RTL4: variants seen among roughly 807,000 people sequenced by gnomAD.
The protein encoded by RTL4 is retrotransposon Gag like 4.
In RTL4, 4 loss-of-function variants were observed where a neutral mutation model predicts 5.3. The ratio of observed to expected loss-of-function variants is 0.75; its 90% confidence interval spans 0.37 to 1.72. The LOEUF (loss-of-function observed/expected upper bound fraction) is 1.72. RTL4 is among the 40% of genes most tolerant of loss of function. The probability of loss-of-function intolerance (pLI) is 0.04; values close to 1 mark genes in which losing one functional copy is unlikely to be tolerated. For missense variants in RTL4, 260 were observed against 227.1 expected, an observed-to-expected ratio of 1.14 and a Z score of -0.93; for synonymous variants, 98 against 87.3, an observed-to-expected ratio of 1.12 and a Z score of -0.68.
chrX:112,309,044 A>T, the RTL4 span, among the ~76,000 whole-genome samples: 1 of 111,780 alleles, frequency 8.9e-6, no homozygotes, highest in Non-Finnish European at 1.9e-5. Context: ...AAGGGAAGTT[A>T]TTGACTTCTA....
chrX:112,316,361 T>G, the RTL4 span, among the ~76,000 whole-genome samples: 3,036 of 111,713 alleles, frequency 0.027, 89 homozygotes, highest in African/African-American at 0.093. Flanking sequence ...CTGTGTGATA[T>G]TGGGAAAGTT....
chrX:112,260,701 A>T, the RTL4 span, among the ~76,000 whole-genome samples: 1 of 112,010 alleles, frequency 8.9e-6, no homozygotes, highest in Non-Finnish European at 1.9e-5. Flanking sequence ...ACGTATACAC[A>T]TAAGGCCGCT....
chrX:112,231,265 A>G, the RTL4 span, among the ~76,000 whole-genome samples: 1 of 110,652 alleles, frequency 9.0e-6, no homozygotes, highest in Non-Finnish European at 1.9e-5. Context: ...CTATAAAGAC[A>G]CATGCACACA....
chrX:112,115,383 A>G, the RTL4 span, among the ~76,000 whole-genome samples: 2 of 111,283 alleles, frequency 1.8e-5, no homozygotes, highest in Non-Finnish European at 3.8e-5. Context: ...AGTCCTAAGC[A>G]TTTTTTCCTG....
chrX:112,384,708 A>G, the RTL4 span, among the ~76,000 whole-genome samples: 2 of 111,670 alleles, frequency 1.8e-5, no homozygotes, highest in African/African-American at 3.3e-5. Context: ...TTTTGATTCC[A>G]TATTAAATTT....
At chrX:112,175,558 T>G in the RTL4 span, among the ~76,000 whole-genome samples, 11 of 109,062 alleles carry the variant, frequency 1.0e-4, no homozygotes, top group Non-Finnish European at 3.8e-5. Flanking sequence ...GACTTGGCAA[T>G]GCGGGCTCTT....
the RTL4 span, among the ~76,000 whole-genome samples, chrX:112,096,511 C>T: frequency 9.0e-6 from 1 of 111,717 alleles, no homozygotes; most frequent in Non-Finnish European, 1.9e-5. Flanking sequence ...CTGAAGCCCA[C>T]TTTTATTGAG....
the RTL4 span, among the ~76,000 whole-genome samples, chrX:112,270,741 G>A: frequency 1.8e-5 from 2 of 111,081 alleles, no homozygotes; most frequent in East Asian, 2.8e-4. Flanking sequence ...GGCTGGGAGG[G>A]AAAAGGAGTT....
At chrX:112,339,293 T>G in the RTL4 span, among the ~76,000 whole-genome samples, 2 of 111,961 alleles carry the variant, frequency 1.8e-5, no homozygotes, top group African/African-American at 6.5e-5. Context: ...ATGAGTACAC[T>G]TCTGAGAGTG....
chrX:112,349,301 CT>C, the RTL4 span, among the ~76,000 whole-genome samples: 1 of 111,501 alleles, frequency 9.0e-6, no homozygotes, highest in African/African-American at 3.2e-5. Context: ...TTGCACGGCC[CT>C]TTTTGCTTCA....
At chrX:112,178,522 GT>G in the RTL4 span, among the ~76,000 whole-genome samples, 1 of 111,914 alleles carries the variant, frequency 8.9e-6, no homozygotes, top group African/African-American at 3.2e-5. Flanking sequence ...AGTGAAGGGT[GT>G]TTGTGAAGAG....
the RTL4 span, among the ~76,000 whole-genome samples, chrX:112,090,769 G>T: frequency 9.0e-6 from 1 of 110,770 alleles, no homozygotes; most frequent in African/African-American, 3.3e-5. Flanking sequence ...TGTAGGAGGA[G>T]TTAGGAAGTA....
chrX:112,186,223 G>T, the RTL4 span, among the ~76,000 whole-genome samples: 1 of 111,822 alleles, frequency 8.9e-6, no homozygotes, highest in East Asian at 2.8e-4. Flanking sequence ...CAAATCTTGT[G>T]CACATGTCTC....
At chrX:112,144,936 T>C in the RTL4 span, among the ~76,000 whole-genome samples, 1 of 111,749 alleles carries the variant, frequency 8.9e-6, no homozygotes, top group Non-Finnish European at 1.9e-5. Flanking sequence ...TCCTGATGCT[T>C]GATCAGGGTG....
At chrX:112,223,028 T>C in the RTL4 span, among the ~76,000 whole-genome samples, 1 of 112,551 alleles carries the variant, frequency 8.9e-6, no homozygotes, top group Non-Finnish European at 1.9e-5. Context: ...TGCTGAACAC[T>C]TTTCCTTTGG....
At chrX:112,329,805 T>G in the RTL4 span, among the ~76,000 whole-genome samples, 2 of 111,094 alleles carry the variant, frequency 1.8e-5, no homozygotes, top group Non-Finnish European at 3.8e-5. Flanking sequence ...AAAAAGCTTA[T>G]CCACCAAGAT....
chrX:112,129,127 C>A, the RTL4 span, among the ~76,000 whole-genome samples: 28 of 111,770 alleles, frequency 2.5e-4, no homozygotes, highest in African/African-American at 8.8e-4. Flanking sequence ...CACATCAATA[C>A]CACAATGAGA....
chrX:112,095,002 A>G, the RTL4 span, among the ~76,000 whole-genome samples: 1 of 111,427 alleles, frequency 9.0e-6, no homozygotes, highest in Non-Finnish European at 1.9e-5. Context: ...TTTTAAGATG[A>G]GAAAACATTT....
the RTL4 span, among the ~76,000 whole-genome samples, chrX:112,283,521 G>T: frequency 9.9e-5 from 11 of 110,954 alleles, no homozygotes; most frequent in African/African-American, 3.3e-4. Flanking sequence ...TACCCCGCAG[G>T]GTTATGGTAT....
Sources: allele counts gnomAD v4.1 joint callset (sites outside exome capture counted in the v4.1 genomes callset), GRCh38; gene constraint gnomAD v4.1.1; transcripts MANE v1.5; gene names NCBI Gene and HGNC (gene_info 2026-07-23, HGNC 2026-07-21).